Variants in WWTR1 observed in about 807,000 individuals in gnomAD.
WWTR1 encodes the protein WW domain containing transcription regulator 1.
WWTR1 carries 13 observed loss-of-function variants against 40.1 expected under a neutral mutation model. That is an observed-to-expected ratio of 0.32 (90% CI 0.21 to 0.52). WWTR1 has a LOEUF of 0.52. Among genes scored for constraint, WWTR1 ranks in the 20% least tolerant of loss-of-function variants. WWTR1 has a pLI of 0.97. For synonymous variants in WWTR1, 230 were observed against 210.1 expected, an observed-to-expected ratio of 1.09 and a Z score of -0.82; for missense variants, 436 against 523.1, an observed-to-expected ratio of 0.83 and a Z score of 1.63.
intron 2 of WWTR1, 26 bp from the exon 3 acceptor site, chr3:149,573,026 T>C (rs1456598780): frequency 1.3e-6 from 2 of 1,569,768 alleles, no homozygotes; most frequent in East Asian, 2.2e-5. Context: ...CAATTAATTA[T>C]CTTTTTAATT....
rs1188471486 is a variant in WWTR1 at position 149,665,230 on chromosome 3, T to TC, written c.-4+4557_-4+4558insG. 9.5e-5 allele frequency among the ~76,000 whole-genome samples: 14 copies of TC among 147,000 alleles called. No homozygotes were observed. The East Asian group carries it at 2.2e-3, about 23-fold the overall frequency. On this transcript the variant is annotated intron_variant, in intron 2 of 7. Transcript: ENST00000465804. ...AAATTAGAAATTTCCTTTCTTTCTT[T>TC]TTTTTTTTTTTTTTGAGACAGAGTC...
chr3:149,546,663 A>G (rs1007229510), intron 3 of WWTR1, among the ~76,000 whole-genome samples: 5 of 152,258 alleles, frequency 3.3e-5, no homozygotes, highest in African/African-American at 1.2e-4. Flanking sequence ...CATTTAATGT[A>G]AAACATAAGT....
Position 149,628,757 on chromosome 3 carries a change from A to G in WWTR1, c.431+28119T>C, listed in dbSNP as rs1711498298. ...TATTTTTTTTATTTTATTTTATTTT[A>G]TTTTATTTTATTTTATTTTATTTTT... On this transcript the variant is annotated intron_variant, in intron 2 of 6. Transcript: ENST00000360632. Among the ~76,000 whole-genome samples, 3 of 150,288 alleles carry G rather than the reference A, an allele frequency of 2.0e-5. No individual in the cohort carries two copies. In the South Asian group the frequency reaches 6.3e-4, roughly 32 times the overall value.
Position 149,666,065 on chromosome 3 carries a change from A to T in WWTR1, c.-4+3723T>A, listed in dbSNP as rs140017604. ...TGGAAGAGTTTGCCACCTGATTAAA[A>T]CATTTATTGTTTGACAATTTCACTC... is the stretch of plus-strand genomic sequence containing the variant. On this transcript the variant is annotated intron_variant, in intron 2 of 7. Transcript: ENST00000465804. Among the ~76,000 whole-genome samples the T allele has an allele frequency of 8.8e-4, 134 of 152,302 alleles. 1 individual carries two copies. The highest frequency in any genetic ancestry group is 3.9e-3 in the South Asian group (19 of 4,822).
At chr3:149,558,002 C>CAAA (rs10554239) in intron 3 of WWTR1, among the ~76,000 whole-genome samples, 3 of 82,980 alleles carry the variant, frequency 3.6e-5, no homozygotes, top group Non-Finnish European at 5.8e-5. Context: ...GGCTCCATCT[C>CAAA]AAAAAAAAAA....
At chr3:149,663,290 T>C (rs1444549985) in intron 2 of WWTR1, among the ~76,000 whole-genome samples, 1 of 151,744 alleles carries the variant, frequency 6.6e-6, no homozygotes, top group East Asian at 2.0e-4. Flanking sequence ...AGTGCTGGGA[T>C]TACAGATGTG....
chr3:149,644,439 C>A (rs1712367335), intron 2 of WWTR1, among the ~76,000 whole-genome samples: 1 of 152,172 alleles, frequency 6.6e-6, no homozygotes, highest in Admixed American at 6.5e-5. Context: ...TGGCTCACAT[C>A]AGACAGTCCT....
At chr3:149,616,420 A>G (rs1739969378) in intron 2 of WWTR1, among the ~76,000 whole-genome samples, 1 of 151,410 alleles carries the variant, frequency 6.6e-6, no homozygotes, top group African/African-American at 2.4e-5. Context: ...TTCCTAATAA[A>G]ATGGCTGTCC....
At chr3:149,623,925 A>AATATG (rs1740431094) in intron 2 of WWTR1, among the ~76,000 whole-genome samples, 1 of 152,136 alleles carries the variant, frequency 6.6e-6, no homozygotes, top group Admixed American at 6.5e-5. Context: ...ATATATGCTT[A>AATATG]GCTCTCCAGC....
At chr3:149,595,426 A>G (rs573747489) in intron 2 of WWTR1, among the ~76,000 whole-genome samples, 5 of 152,168 alleles carry the variant, frequency 3.3e-5, no homozygotes, top group Non-Finnish European at 7.3e-5. Context: ...TTATGTAAGA[A>G]AATGTTCTTC....
In WWTR1 at chr3:149,723,067, T is replaced by A. The variant is rs138491473; in HGVS notation, n.459+1013A>T. Among the ~76,000 whole-genome samples the A allele has an allele frequency of 5.3e-3, 799 of 152,146 alleles. 10 individuals carry two copies. Among genetic ancestry groups the A allele is most frequent in the Non-Finnish European group, 8.9e-3 (608 of 67,988 alleles). On this transcript the variant is annotated intron_variant and non_coding_transcript_variant, in intron 4 of 6. Coordinates refer to the WWTR1 transcript ENST00000474080. Reference sequence around the variant, plus strand: ...TCCCCCTTTAACCAAGCCATACATTTCCGTTTCTTTGCATGCCTTGTGAAT... The same window carrying A: ...TCCCCCTTTAACCAAGCCATACATTACCGTTTCTTTGCATGCCTTGTGAAT...
intron 1 of WWTR1, among the ~76,000 whole-genome samples, chr3:149,672,943 C>CA (rs1391223958): frequency 2.0e-5 from 3 of 152,044 alleles, no homozygotes; most frequent in Non-Finnish European, 4.4e-5. Context: ...CTACCACATC[C>CA]AGCTGTTTTT....
chr3:149,591,765 T>A (rs1438852762), intron 2 of WWTR1, among the ~76,000 whole-genome samples: 1 of 152,208 alleles, frequency 6.6e-6, no homozygotes, highest in Non-Finnish European at 1.5e-5. Flanking sequence ...ATTGTAGTCA[T>A]TTTAAATGAC....
At chr3:149,664,557 A>C (rs1713722959) in intron 2 of WWTR1, among the ~76,000 whole-genome samples, 1 of 150,580 alleles carries the variant, frequency 6.6e-6, no homozygotes, top group Non-Finnish European at 1.5e-5. Flanking sequence ...AAGGAAGATA[A>C]TTTTGATGAT....
chr3:149,574,603 C>T (rs922616792), intron 2 of WWTR1, among the ~76,000 whole-genome samples: 1 of 152,184 alleles, frequency 6.6e-6, no homozygotes, highest in Non-Finnish European at 1.5e-5. Flanking sequence ...AGTCTAGAAA[C>T]TTCCTTGCAT....
Position 149,542,335 on chromosome 3 carries a change from C to G in WWTR1, c.771G>C (p.Gln257His). ...CACCAGACACCATGGAAAGCCATACCTGCCTCATGAGCTCCTCTTGGCGCA... is the reference window on the plus strand; with the variant it reads ...CACCAGACACCATGGAAAGCCATACGTGCCTCATGAGCTCCTCTTGGCGCA... ...IRMRQEELMRQEAALCRQLPM... is the reference protein window; with the variant it reads ...IRMRQEELMRHEAALCRQLPM... The change falls in exon 4 of 7, where the codon CAG becomes CAC. Residue 257 changes from glutamine (Q) to histidine (H), a missense_variant and splice_region_variant. By Grantham distance (24) the Gln-to-His change is conservative. Transcript: ENST00000360632. 1 of 1,612,482 alleles carries G rather than the reference C, an allele frequency of 6.2e-7. No individual in the cohort carries two copies.
chr3:149,601,552 C>A (rs976995919), intron 2 of WWTR1, among the ~76,000 whole-genome samples: 4 of 152,192 alleles, frequency 2.6e-5, no homozygotes, highest in Non-Finnish European at 2.9e-5. Flanking sequence ...ATGACCATTT[C>A]TCCTTTTCTT....
At chr3:149,566,221 TTTTTTAATCAAGAAAATCA>T (rs1442418255) in intron 3 of WWTR1, among the ~76,000 whole-genome samples, 6 of 152,184 alleles carry the variant, frequency 3.9e-5, no homozygotes, top group African/African-American at 1.2e-4. Context: ...TTTCCTTCTT[TTTTTTAATCAAGAAAATCA>T]TTTTTAAATA....
At position 149,518,246 on chromosome 3, in the gene WWTR1, AT is replaced by A. The variant is rs142661667; in HGVS notation, c.*2558del. The A allele has an allele frequency of 1.8e-3, 268 of 152,246 alleles. 2 individuals carry two copies. The highest frequency in any genetic ancestry group is 6.2e-3 in the African/African-American group (257 of 41,578). The allele number at this position is 152,246 out of a possible 1,614,324, so 9.4% of individuals were successfully genotyped here. ...TGTTCTAACTAATTTAACTAAAAAA[AT>A]CTTCTAGTATTTTCTGATGCCACAA... On this transcript the variant is annotated 3_prime_UTR_variant, in exon 7 of 7. Coordinates refer to ENST00000360632, the MANE Select transcript of WWTR1 (RefSeq NM_015472.6).
Sources: allele counts gnomAD v4.1 joint callset (sites outside exome capture counted in the v4.1 genomes callset), GRCh38; gene constraint gnomAD v4.1.1; transcripts MANE v1.5; gene names NCBI Gene and HGNC (gene_info 2026-07-23, HGNC 2026-07-21).